The following PCNT variants were observed in gnomAD, a reference collection of about 807,000 sequenced individuals.
The protein encoded by PCNT is kendrin.
Under a neutral mutation model 380.4 loss-of-function variants are expected in PCNT, and 319 were observed. That is an observed-to-expected ratio of 0.84 (90% CI 0.77 to 0.92). PCNT has a LOEUF of 0.92. PCNT is among the 40% of genes least tolerant of loss of function. PCNT has a pLI of 0.00. For missense variants in PCNT, 4,400 were observed against 4,255.3 expected (o/e 1.03, Z -0.95); for synonymous variants, 1,845 against 1,735.2 (o/e 1.06, Z -1.57).
At position 46,389,437 on chromosome 21, in the gene PCNT, G is replaced by T. The variant is rs778133039; in HGVS notation, c.3840+6G>T. The T allele has an allele frequency of 1.2e-6, 2 of 1,610,592 alleles. No individual in the cohort carries two copies. The highest frequency in any genetic ancestry group is 2.2e-5 in the South Asian group (2 of 91,012). The stretch of plus-strand genomic sequence containing the variant: ...CCCTGGACTCCAGCAGGCAGGTGAG[G>T]CCCAGGCTCCCGGGGTCCTGTGGAG... On this transcript the variant is annotated splice_donor_region_variant and intron_variant, in intron 19 of 46. Coordinates refer to ENST00000359568, the MANE Select transcript of PCNT (RefSeq NM_006031.6).
At chr21:46,371,511 G>A (rs565706908) in intron 15 of PCNT, among the ~76,000 whole-genome samples, 2 of 152,248 alleles carry the variant, frequency 1.3e-5, no homozygotes, top group East Asian at 3.9e-4. Flanking sequence ...TACTTTTTCA[G>A]TTTTTTAAAA....
intron 29 of PCNT, among the ~76,000 whole-genome samples, chr21:46,413,462 C>T (rs1156657653): frequency 6.6e-6 from 1 of 152,212 alleles, no homozygotes; most frequent in Non-Finnish European, 1.5e-5. Context: ...GAGCACAGTC[C>T]GTGCCTGCAG....
Position 46,324,243 on chromosome 21 carries a change from A to G in PCNT, c.15A>G (p.Gln5=), listed in dbSNP as rs2083277323. The G allele has an allele frequency of 6.2e-7, 1 of 1,612,134 alleles. No homozygotes were observed. Among genetic ancestry groups the G allele is most frequent in the African/African-American group, 1.3e-5 (1 of 74,906 alleles). ...GTCTGAGGGAGATGGAAGTTGAGCAAGAGCAGCGGCGCAGAAAGGTGGAGG... is the reference window on the plus strand; with the variant it reads ...GTCTGAGGGAGATGGAAGTTGAGCAGGAGCAGCGGCGCAGAAAGGTGGAGG... MEVE[Q]EQRRRKVEAG... The change falls in exon 1 of 47, where the codon CAA becomes CAG. Residue 5 remains glutamine (Q), a synonymous_variant. Coordinates refer to ENST00000359568, the MANE Select transcript of PCNT (RefSeq NM_006031.6).
At chr21:46,363,371 T>G in intron 13 of PCNT, 109 bp from the exon 14 acceptor site, 1 of 786,404 alleles carries the variant, frequency 1.3e-6, no homozygotes, top group Non-Finnish European at 2.3e-6. Context: ...GCGTAATGGG[T>G]GTGTGTGTGG....
intron 2 of PCNT, among the ~76,000 whole-genome samples, chr21:46,327,333 A>G (rs1181613339): frequency 3.3e-5 from 5 of 152,092 alleles, no homozygotes; most frequent in Non-Finnish European, 7.4e-5. Flanking sequence ...TGCTGGGATT[A>G]TAGGCATGAG....
chr21:46,397,561 C>T (rs1159187718), intron 22 of PCNT, 67 bp downstream of exon 22: 4 of 1,322,560 alleles, frequency 3.0e-6, no homozygotes, highest in Non-Finnish European at 2.2e-6. Flanking sequence ...GAACTTCTTT[C>T]CAGATCGTTA....
intron 22 of PCNT, 117 bp downstream of exon 22, chr21:46,397,611 C>T (rs940545735): frequency 8.3e-6 from 7 of 840,728 alleles, no homozygotes; most frequent in Non-Finnish European, 1.4e-5. Flanking sequence ...GGGCGCCCCA[C>T]ACCTGCTGCA....
In PCNT at chr21:46,347,529, C is replaced by T. The variant is rs1372407602; in HGVS notation, c.1032+17C>T. ...ATAGTAAAGGTACCCGGGATCGATT[C>T]TAAAATGCACGCCTCTGTGTATGTT... On this transcript the variant is annotated intron_variant, in intron 6 of 46. Transcript: ENST00000359568. 1.9e-6 allele frequency: 3 copies of T among 1,611,542 alleles called. No homozygotes were observed. Among genetic ancestry groups the T allele is most frequent in the Non-Finnish European group, 2.5e-6 (3 of 1,177,788 alleles).
At chr21:46,387,333 ACT>A (rs1370630930) in intron 17 of PCNT, among the ~76,000 whole-genome samples, 13 of 151,614 alleles carry the variant, frequency 8.6e-5, no homozygotes, top group Non-Finnish European at 1.3e-4. Context: ...CTTGGTGCTG[ACT>A]CTCTCCAGTC....
At chr21:46,347,570 C>G in intron 6 of PCNT, 58 bp downstream of exon 6, 2 of 1,530,562 alleles carry the variant, frequency 1.3e-6, no homozygotes, top group Non-Finnish European at 1.8e-6. Flanking sequence ...TCCTTTCTCG[C>G]CAGGTCCCAT....
chr21:46,336,990 G>T (rs79535103), intron 3 of PCNT, among the ~76,000 whole-genome samples: 35 of 17,932 alleles, frequency 2.0e-3, no homozygotes, highest in Admixed American at 5.4e-3. Flanking sequence ...TGTTTTTTTT[G>T]TTTGTTTGTT....
At chr21:46,415,755 C>T (rs1009726112) in intron 29 of PCNT, among the ~76,000 whole-genome samples, 10 of 152,178 alleles carry the variant, frequency 6.6e-5, no homozygotes, top group Non-Finnish European at 1.3e-4. Flanking sequence ...CACAGAAACT[C>T]CAAATTCATC....
intron 21 of PCNT, among the ~76,000 whole-genome samples, chr21:46,392,422 T>C (rs903629834): frequency 3.3e-5 from 5 of 152,202 alleles, no homozygotes; most frequent in Non-Finnish European, 7.3e-5. Context: ...GGTTTCACCA[T>C]GTTAGCCAGC....
At chr21:46,326,808 G>A (rs2146247198) in intron 2 of PCNT, among the ~76,000 whole-genome samples, 1 of 152,242 alleles carries the variant, frequency 6.6e-6, no homozygotes, top group South Asian at 2.1e-4. Context: ...GAGGTCAGGA[G>A]TTCCAGACCA....
At chr21:46,356,259 T>C (rs983845262) in intron 12 of PCNT, among the ~76,000 whole-genome samples, 4 of 151,716 alleles carry the variant, frequency 2.6e-5, no homozygotes, top group African/African-American at 7.3e-5. Flanking sequence ...TGCTGGGAGG[T>C]GTGTGGTCTG....
chr21:46,420,124 T>C (rs532193740), intron 31 of PCNT, among the ~76,000 whole-genome samples: 1 of 152,072 alleles, frequency 6.6e-6, no homozygotes, highest in Non-Finnish European at 1.5e-5. Flanking sequence ...GCGGTCAGGG[T>C]GTCCGCCGCC....
chr21:46,432,918 G>A (rs1039739745), intron 38 of PCNT, among the ~76,000 whole-genome samples: 1 of 152,188 alleles, frequency 6.6e-6, no homozygotes, highest in African/African-American at 2.4e-5. Context: ...ACCACACTCG[G>A]CTGTTTACTT....
intron 13 of PCNT, 44 bp downstream of exon 13, chr21:46,357,235 T>C (rs767931226): frequency 3.7e-6 from 5 of 1,348,844 alleles, no homozygotes; most frequent in Non-Finnish European, 5.3e-6. Flanking sequence ...CCCGAGTCCT[T>C]GCTCTCTTCC....
chr21:46,353,880 G>A (rs948055199), intron 10 of PCNT, 107 bp from the exon 11 acceptor site: 7 of 945,992 alleles, frequency 7.4e-6, no homozygotes, highest in African/African-American at 1.6e-5. Context: ...TTGACTGGAA[G>A]CACGAGGAGG....
Sources: gnomAD v4.1 joint callset for allele counts (sites outside exome capture counted in the v4.1 genomes callset) on GRCh38, gnomAD v4.1.1 for gene constraint, MANE v1.5 for transcripts, NCBI Gene and HGNC (gene_info 2026-07-23, HGNC 2026-07-21) for gene names.